The following EVI5 variants were observed in gnomAD, a reference collection of about 807,000 sequenced individuals.
The protein encoded by EVI5 is ecotropic viral integration site 5 protein homolog.
In EVI5, 73 loss-of-function variants were observed where a neutral mutation model predicts 112.0. That is an observed-to-expected ratio of 0.65 (90% confidence interval 0.54 to 0.79). The LOEUF is 0.79. Ranked by LOEUF, EVI5 falls within the 30% of genes least tolerant of loss-of-function variation. The pLI is 0.00. For synonymous variants in EVI5, 305 were observed against 319.9 expected, an observed-to-expected ratio of 0.95 and a Z score of 0.50; for missense variants, 900 against 968.8, an observed-to-expected ratio of 0.93 and a Z score of 0.94.
rs541576736 is a variant in EVI5 at position 92,534,752 on chromosome 1, C to T, written c.2167-20782G>A. Among the ~76,000 whole-genome samples, 23 of 152,300 alleles carry T rather than the reference C, an allele frequency of 1.5e-4. No individual in the cohort carries two copies. In the South Asian group the frequency reaches 4.1e-3, roughly 27 times the overall value. ...AAGCTGAAACTGGATCCCTTCCTTA[C>T]ACTTTATACAAAAATTAACTCACGA... On this transcript the variant is annotated intron_variant, in intron 19 of 19. Coordinates refer to ENST00000684568, the MANE Select transcript of EVI5 (RefSeq NM_001350197.2).
chr1:92,693,035 A>AG (rs1669742166), intron 9 of EVI5, among the ~76,000 whole-genome samples: 1 of 152,192 alleles, frequency 6.6e-6, no homozygotes, highest in South Asian at 2.1e-4. Flanking sequence ...TGCCAAAAAA[A>AG]GCTTCATTAG....
chr1:92,546,805 T>C (rs113184675), intron 19 of EVI5, among the ~76,000 whole-genome samples: 11,185 of 152,140 alleles, frequency 0.074, 1,123 homozygotes, highest in African/African-American at 0.23. Flanking sequence ...CTAACTATCC[T>C]AAACACGTAT....
intron 9 of EVI5, among the ~76,000 whole-genome samples, chr1:92,684,009 C>A (rs1345061015): frequency 6.6e-6 from 1 of 152,140 alleles, no homozygotes; most frequent in Non-Finnish European, 1.5e-5. Context: ...CTTCCCTAAC[C>A]TAGCAAGGCA....
rs57353996 is a variant in EVI5 at position 92,599,704 on chromosome 1, T to C, written c.2070+5603A>G. Among the ~76,000 whole-genome samples, 438 of 152,014 alleles carry C rather than the reference T, an allele frequency of 2.9e-3. 1 individual carries two copies. The highest frequency in any genetic ancestry group is 9.5e-3 in the African/African-American group (393 of 41,470). ...TAGAGGAGTAAGAAGTTCAGAAAAATACAGCAATTTAGGAAGATGCAGCAA... is the reference window on the plus strand; with the variant it reads ...TAGAGGAGTAAGAAGTTCAGAAAAACACAGCAATTTAGGAAGATGCAGCAA... On this transcript the variant is annotated intron_variant, in intron 18 of 19. Transcript: ENST00000684568.
rs183896624 is a variant in EVI5, at chr1:92,724,785, G to A, written c.149+11613C>T. On this transcript the variant is annotated intron_variant, in intron 2 of 19. Coordinates refer to ENST00000684568, the MANE Select transcript of EVI5 (RefSeq NM_001350197.2). The stretch of plus-strand genomic sequence containing the variant: ...ATGGCACCATTGCACTCCAGCCTGA[G>A]CAACAGAGTAAGACCCTGTCTTTAA... Among the ~76,000 whole-genome samples, 479 of 152,130 alleles carry A rather than the reference G, an allele frequency of 3.1e-3. 7 individuals carry two copies. The highest frequency in any genetic ancestry group is 0.011 in the African/African-American group (452 of 41,518).
chr1:92,682,448 T>G (rs563263809), intron 9 of EVI5, among the ~76,000 whole-genome samples: 1 of 152,276 alleles, frequency 6.6e-6, no homozygotes, highest in South Asian at 2.1e-4. Context: ...GCAGGCATAA[T>G]TTAACCCTAG....
intron 18 of EVI5, among the ~76,000 whole-genome samples, chr1:92,568,854 T>C (rs1256956693): frequency 2.6e-5 from 4 of 152,244 alleles, no homozygotes; most frequent in Non-Finnish European, 4.4e-5. Flanking sequence ...AAGAATACAG[T>C]CTATGATGCA....
At chr1:92,599,906 C>T (rs569121956) in intron 18 of EVI5, among the ~76,000 whole-genome samples, 2 of 152,030 alleles carry the variant, frequency 1.3e-5, no homozygotes, top group East Asian at 1.9e-4. Flanking sequence ...TAAGGAGTTT[C>T]GATATGATTG....
In EVI5 at chr1:92,509,233, G is replaced by A. The variant is rs1475764774; in HGVS notation, c.*4423C>T. The A allele has an allele frequency of 1.3e-5, 2 of 152,540 alleles. No homozygotes were observed. The highest frequency in any genetic ancestry group is 1.3e-4 in the Admixed American group (2 of 15,268). The allele number at this position is 152,540 out of a possible 1,614,324, so 9.4% of individuals were successfully genotyped here. ...AACTAAATTATTTCTTACGATGTCAGAAATAATATACTTAAAAAGGTGTAG... is the reference window on the plus strand; with the variant it reads ...AACTAAATTATTTCTTACGATGTCAAAAATAATATACTTAAAAAGGTGTAG... On this transcript the variant is annotated 3_prime_UTR_variant, in exon 20 of 20. Coordinates refer to ENST00000684568, the MANE Select transcript of EVI5 (RefSeq NM_001350197.2).
At chr1:92,517,395 G>A (rs1307289475) in intron 19 of EVI5, among the ~76,000 whole-genome samples, 2 of 152,134 alleles carry the variant, frequency 1.3e-5, no homozygotes, top group African/African-American at 4.8e-5. Context: ...ATAGGGATCC[G>A]AAACCAATCC....
intron 1 of EVI5, among the ~76,000 whole-genome samples, chr1:92,757,211 G>A (rs766443009): frequency 8.5e-5 from 13 of 152,146 alleles, no homozygotes; most frequent in Non-Finnish European, 1.3e-4. Flanking sequence ...TCACGTCCTG[G>A]CTAATAGTTC....
At chr1:92,589,503 G>C (rs1571736512) in intron 18 of EVI5, among the ~76,000 whole-genome samples, 1 of 152,330 alleles carries the variant, frequency 6.6e-6, no homozygotes, top group East Asian at 1.9e-4. Flanking sequence ...TACGCCCACA[G>C]AGTCTCGCTC....
intron 19 of EVI5, among the ~76,000 whole-genome samples, chr1:92,541,153 GAAGA>G (rs1039212711): frequency 1.3e-5 from 2 of 152,092 alleles, no homozygotes; most frequent in African/African-American, 4.8e-5. Flanking sequence ...GTGTTCCATA[GAAGA>G]AAGCCTGAAA....
chr1:92,639,401 A>T (rs78594390), intron 13 of EVI5, among the ~76,000 whole-genome samples: 10 of 152,000 alleles, frequency 6.6e-5, no homozygotes, highest in East Asian at 1.9e-4. Flanking sequence ...TCATATTATT[A>T]AAAAAAATTT....
At position 92,629,652 on chromosome 1, in the gene EVI5, TTTTC is replaced by T. The variant is rs1392939248; in HGVS notation, c.1528-3722_1528-3719del. 2.0e-5 allele frequency among the ~76,000 whole-genome samples: 3 copies of T among 151,946 alleles called. 1 individual carries two copies. Among genetic ancestry groups the T allele is most frequent in the African/African-American group, 7.3e-5 (3 of 41,316 alleles). On this transcript the variant is annotated intron_variant, in intron 14 of 19. Coordinates refer to ENST00000684568, the MANE Select transcript of EVI5 (RefSeq NM_001350197.2). ...TTCTAACAACTACACTCAGATGAAATTTTCTTTTTTTTTCTTTTTTTCTTTTATT... is the reference window on the plus strand; with the variant it reads ...TTCTAACAACTACACTCAGATGAAATTTTTTTTTTCTTTTTTTCTTTTATT...
chr1:92,715,515 G>A (rs1467958423), intron 2 of EVI5, among the ~76,000 whole-genome samples: 1 of 152,166 alleles, frequency 6.6e-6, no homozygotes, highest in African/African-American at 2.4e-5. Context: ...AATAGGAACA[G>A]CTCTGGTCTG....
At chr1:92,590,805 T>A (rs1291884647) in intron 18 of EVI5, among the ~76,000 whole-genome samples, 1 of 152,052 alleles carries the variant, frequency 6.6e-6, no homozygotes, top group African/African-American at 2.4e-5. Flanking sequence ...CCAAGACACG[T>A]AATTGTCAGA....
intron 19 of EVI5, among the ~76,000 whole-genome samples, chr1:92,525,770 T>A (rs1661763243): frequency 6.6e-6 from 1 of 152,218 alleles, no homozygotes; most frequent in Admixed American, 6.5e-5. Flanking sequence ...TATTATACCA[T>A]CAGTTTACTG....
intron 2 of EVI5, among the ~76,000 whole-genome samples, chr1:92,708,573 T>C (rs1476505219): frequency 6.6e-6 from 1 of 152,106 alleles, no homozygotes; most frequent in East Asian, 1.9e-4. Flanking sequence ...CCTCAAATGA[T>C]AAGCACAAAA....
Sources: allele counts gnomAD v4.1 joint callset (sites outside exome capture counted in the v4.1 genomes callset), GRCh38; gene constraint gnomAD v4.1.1; transcripts MANE v1.5; gene names NCBI Gene and HGNC (gene_info 2026-07-23, HGNC 2026-07-21).